Variants in EPB41L3 observed in about 807,000 individuals in gnomAD.
EPB41L3 encodes the protein band 4.1-like protein 3.
In EPB41L3, 57 loss-of-function variants were observed where a neutral mutation model predicts 127.1. The ratio of observed to expected loss-of-function variants is 0.45; its 90% CI spans 0.36 to 0.56. EPB41L3 has a LOEUF of 0.56. Among genes scored for constraint, EPB41L3 ranks in the 20% least tolerant of loss-of-function variants. The pLI, the probability that EPB41L3 is intolerant of heterozygous loss-of-function variation, is 0.00. For synonymous variants in EPB41L3, 572 were observed against 549.5 expected (o/e 1.04, Z -0.57); for missense variants, 1,273 against 1,372.2 (o/e 0.93, Z 1.14).
At chr18:5,481,951 T>G (rs1329366332) in intron 2 of EPB41L3, among the ~76,000 whole-genome samples, 1 of 152,026 alleles carries the variant, frequency 6.6e-6, no homozygotes, top group Non-Finnish European at 1.5e-5. Flanking sequence ...AACTGCAATT[T>G]AAAACTAATC....
chr18:5,397,064 A>G lies in EPB41L3; in HGVS notation c.2835T>C (p.His945=), dbSNP rs754052658. Residue 945 remains histidine (H), a synonymous_variant, in exon 18 of 23, where the codon CAT becomes CAC. Coordinates refer to ENST00000341928, the MANE Select transcript of EPB41L3 (RefSeq NM_012307.5). This position sits in a 1 kb window ranked among gnomAD's most constrained non-coding sequence, Gnocchi z 4.1. ...HISETLEQKP[H]FESSTVKTET... Reference sequence around the variant, plus strand: ...AACATTTACTACTAGTTACCTCAAAATGAGGTTTTTGTTCCAAAGTTTCTG... The same window carrying G: ...AACATTTACTACTAGTTACCTCAAAGTGAGGTTTTTGTTCCAAAGTTTCTG... 37 of 1,594,866 alleles carry G rather than the reference A, an allele frequency of 2.3e-5. No individual in the cohort carries two copies. Among genetic ancestry groups the G allele is most frequent in the East Asian group, 6.7e-5 (3 of 44,754 alleles).
At position 5,416,478 on chromosome 18, in the gene EPB41L3, A is replaced by C. The variant is rs1011280555; in HGVS notation, c.1507-100T>G. 14 of 1,318,958 alleles carry C rather than the reference A, an allele frequency of 1.1e-5. No individual in the cohort carries two copies. In the African/African-American group the frequency reaches 1.8e-4, roughly 17 times the overall value. The allele number at this position is 1,318,958 out of a possible 1,614,324, so 81.7% of individuals were successfully genotyped here. ...AGTTAATTTTCTTATGGGTATCAAT[A>C]TAAAATTGTAAAACAAAAATTTTAG... On this transcript the variant is annotated intron_variant, in intron 12 of 22. Transcript: ENST00000341928.
chr18:5,545,703 T>C (rs2093866837), upstream of EPB41L3, among the ~76,000 whole-genome samples: 1 of 152,142 alleles, frequency 6.6e-6, no homozygotes, highest in Non-Finnish European at 1.5e-5. Context: ...GACTATGGTA[T>C]TAAGACAGTT....
At chr18:5,425,737 A>G (rs749079443) in intron 9 of EPB41L3, among the ~76,000 whole-genome samples, 14 of 152,166 alleles carry the variant, frequency 9.2e-5, no homozygotes, top group Non-Finnish European at 1.9e-4. Context: ...AGCAGAGAGA[A>G]GAGGAGTGAA....
At chr18:5,601,915 G>A (rs1229845905) in intron 3 of EPB41L3, among the ~76,000 whole-genome samples, 1 of 152,134 alleles carries the variant, frequency 6.6e-6, no homozygotes, top group African/African-American at 2.4e-5. Context: ...ATAGCACTTC[G>A]GAGTGGTTGA....
At chr18:5,410,652 G>T (rs1361079024) in intron 13 of EPB41L3, 33 bp from the exon 14 acceptor site, 1 of 1,593,358 alleles carries the variant, frequency 6.3e-7, no homozygotes, top group South Asian at 1.1e-5. Flanking sequence ...GGTTCCAGGA[G>T]GAAGGCAGGG....
intron 3 of EPB41L3, among the ~76,000 whole-genome samples, chr18:5,610,923 T>C (rs1056211915): frequency 1.9e-4 from 29 of 152,144 alleles, no homozygotes; most frequent in Non-Finnish European, 2.9e-4. Context: ...TTTTGCAGCA[T>C]AAAATCACAT....
chr18:5,524,286 C>T (rs983785994), intron 1 of EPB41L3, among the ~76,000 whole-genome samples: 1 of 152,062 alleles, frequency 6.6e-6, no homozygotes, highest in Non-Finnish European at 1.5e-5. Context: ...CTCCGCCTCC[C>T]GGGTTTAACC....
chr18:5,546,364 C>T (rs2093881759), upstream of EPB41L3, among the ~76,000 whole-genome samples: 2 of 152,054 alleles, frequency 1.3e-5, no homozygotes, highest in South Asian at 4.2e-4. Flanking sequence ...AACCCCGTCT[C>T]TACTAAAAAC....
At chr18:5,582,733 G>A (rs1007049479) in intron 3 of EPB41L3, among the ~76,000 whole-genome samples, 1 of 152,158 alleles carries the variant, frequency 6.6e-6, no homozygotes, top group Non-Finnish European at 1.5e-5. Flanking sequence ...TACACAAATT[G>A]TTTATGACTG....
At chr18:5,464,445 AAAG>A (rs938713198) in intron 3 of EPB41L3, among the ~76,000 whole-genome samples, 1 of 152,168 alleles carries the variant, frequency 6.6e-6, no homozygotes, top group African/African-American at 2.4e-5. Context: ...CCTAAAAAAG[AAAG>A]AAGAATCCAG....
chr18:5,607,015 G>A (rs1490753350), intron 3 of EPB41L3, among the ~76,000 whole-genome samples: 7 of 151,912 alleles, frequency 4.6e-5, no homozygotes, highest in African/African-American at 1.2e-4. Flanking sequence ...CATGGTAAAC[G>A]TGAATCCAGT....
intron 1 of EPB41L3, among the ~76,000 whole-genome samples, chr18:5,521,865 A>G (rs1331401602): frequency 6.6e-6 from 1 of 152,246 alleles, no homozygotes; most frequent in East Asian, 1.9e-4. Context: ...GAATAAATGT[A>G]AAATGACTAA....
intron 3 of EPB41L3, among the ~76,000 whole-genome samples, chr18:5,561,959 G>C (rs1360643466): frequency 6.6e-6 from 1 of 152,174 alleles, no homozygotes; most frequent in African/African-American, 2.4e-5. Context: ...ACGAAATGAT[G>C]AGATACTCTT....
upstream of EPB41L3, chr18:5,544,138 C>T (rs934673357): frequency 5.1e-6 from 5 of 985,376 alleles, no homozygotes; most frequent in African/African-American, 7.0e-5. Flanking sequence ...CCTCGTCCTG[C>T]CTGCCCTCCC....
chr18:5,609,857 T>C (rs914690602), intron 3 of EPB41L3, among the ~76,000 whole-genome samples: 2 of 152,026 alleles, frequency 1.3e-5, no homozygotes, highest in African/African-American at 4.8e-5. Context: ...TTATTAAATG[T>C]GGTATAAACC....
At position 5,396,282 on chromosome 18, in the gene EPB41L3, T is replaced by A. The variant is rs979314894; in HGVS notation, c.2892A>T (p.Gly964=). 9 of 1,614,090 alleles carry A rather than the reference T, an allele frequency of 5.6e-6. No homozygotes were observed. The highest frequency in any genetic ancestry group is 7.6e-6 in the Non-Finnish European group (9 of 1,180,036). ...TCGTGGAAATTTCTAGCTTTACTCCTCCCGGTGAAACACTGCCAAAACTGA... is the reference window on the plus strand; with the variant it reads ...TCGTGGAAATTTCTAGCTTTACTCCACCCGGTGAAACACTGCCAAAACTGA... ...ETISFGSVSP[G]GVKLEISTKE... is the part of the protein sequence containing the mutation. Residue 964 remains glycine, a synonymous_variant, in exon 19 of 23, where the codon GGA becomes GGT. Coordinates refer to ENST00000341928, the MANE Select transcript of EPB41L3 (RefSeq NM_012307.5).
intron 1 of EPB41L3, among the ~76,000 whole-genome samples, chr18:5,616,035 C>T (rs2094790785): frequency 6.6e-6 from 1 of 152,240 alleles, no homozygotes; most frequent in South Asian, 2.1e-4. Flanking sequence ...AGGTGCTACT[C>T]CTTTCATTCT....
intron 3 of EPB41L3, among the ~76,000 whole-genome samples, chr18:5,475,186 C>T (rs538344978): frequency 6.6e-6 from 1 of 152,272 alleles, no homozygotes; most frequent in South Asian, 2.1e-4. Flanking sequence ...ATGCTCAAGT[C>T]AAAGTCCATT....
Sources: gnomAD v4.1 joint callset for allele counts (sites outside exome capture counted in the v4.1 genomes callset) on GRCh38, gnomAD v4.1.1 for gene constraint, Gnocchi (gnomAD v3.1) non-coding constraint, MANE v1.5 for transcripts, NCBI Gene and HGNC (gene_info 2026-07-23, HGNC 2026-07-21) for gene names.